The following ZNF536 variants were observed in gnomAD, a reference collection of about 807,000 sequenced individuals.
ZNF536 encodes the protein zinc finger protein 536.
Under a neutral mutation model 84.5 loss-of-function variants are expected in ZNF536, and 13 were observed. The ratio of observed to expected loss-of-function variants is 0.15; its 90% CI spans 0.10 to 0.24. ZNF536 has a LOEUF of 0.24. ZNF536 is among the 10% of genes least tolerant of loss of function. ZNF536 has a pLI of 1.00. For missense variants in ZNF536, 1,536 were observed against 1,747.5 expected, an observed-to-expected ratio of 0.88 and a Z score of 2.16; for synonymous variants, 811 against 742.5, an observed-to-expected ratio of 1.09 and a Z score of -1.50.
intron 1 of ZNF536, among the ~76,000 whole-genome samples, chr19:30,614,202 C>T (rs1232068977): frequency 3.3e-5 from 5 of 152,116 alleles, no homozygotes; most frequent in Non-Finnish European, 7.4e-5. Context: ...TATTTTTCCA[C>T]CTCTTCCATA....
chr19:30,381,092 G>T (rs1275955236), intron 1 of ZNF536, among the ~76,000 whole-genome samples: 1 of 152,068 alleles, frequency 6.6e-6, no homozygotes. Flanking sequence ...TGCCCAAGTT[G>T]GTCTTGAACT....
chr19:30,566,320 C>G (rs1275046255), intron 1 of ZNF536, among the ~76,000 whole-genome samples: 1 of 152,194 alleles, frequency 6.6e-6, no homozygotes, highest in Non-Finnish European at 1.5e-5. Flanking sequence ...GGAACAGCTC[C>G]CTTTATCCCA....
At chr19:30,560,841 T>C (rs2046137679), downstream of ZNF536, among the ~76,000 whole-genome samples, 1 of 152,246 alleles carries the variant, frequency 6.6e-6, no homozygotes, top group Non-Finnish European at 1.5e-5. Flanking sequence ...ATGATTAAAT[T>C]ACATCCCCAA....
intron 2 of ZNF536, among the ~76,000 whole-genome samples, chr19:30,490,160 C>CT (rs3837960): frequency 1.7e-4 from 25 of 150,052 alleles, no homozygotes; most frequent in South Asian, 2.1e-4. Context: ...CCATTGCTAA[C>CT]TTTTTTTTTT....
At chr19:30,624,825 G>A (rs2048615714) in intron 1 of ZNF536, among the ~76,000 whole-genome samples, 1 of 152,292 alleles carries the variant, frequency 6.6e-6, no homozygotes, top group South Asian at 2.1e-4. Flanking sequence ...ATTGGATCAT[G>A]GAGGCAGTTT....
In ZNF536 at chr19:30,445,615, C is replaced by G; in HGVS notation, c.2053C>G (p.Arg685Gly). The change falls in exon 2 of 5, where the codon CGC (arginine) becomes GGC (glycine). Residue 685 changes from arginine (R) to glycine (G), a missense_variant. This residue lies in a region of ZNF536 where 148 missense variants were observed against 205.4 expected (regional missense o/e 0.72). Coordinates refer to ENST00000355537, the MANE Select transcript of ZNF536 (RefSeq NM_014717.3). This position sits in a 1 kb window ranked among gnomAD's most constrained non-coding sequence, Gnocchi z 4.5. ...TGACCAGGAGTCCCAGTCGGTGAGCCGCTCCACCACGCCGGGCTCCTCTAA... is the reference window on the plus strand; with the variant it reads ...TGACCAGGAGTCCCAGTCGGTGAGCGGCTCCACCACGCCGGGCTCCTCTAA... ...GSDQESQSVS[R>G]STTPGSSNVT... 1.2e-6 allele frequency: 2 copies of G among 1,612,780 alleles called. No individual in the cohort carries two copies. The highest frequency in any genetic ancestry group is 8.5e-7 in the Non-Finnish European group (1 of 1,179,638).
intron 2 of ZNF536, among the ~76,000 whole-genome samples, chr19:30,479,581 G>T (rs966889487): frequency 6.6e-6 from 1 of 152,334 alleles, no homozygotes; most frequent in African/African-American, 2.4e-5. Context: ...GTGGGTCAGG[G>T]TGCTGTGAGG....
intron 2 of ZNF536, among the ~76,000 whole-genome samples, chr19:30,344,640 A>G (rs957978872): frequency 5.3e-5 from 8 of 151,262 alleles, no homozygotes; most frequent in Non-Finnish European, 1.5e-5. Flanking sequence ...TCACTGAGCG[A>G]GTCCCTCGCT....
chr19:30,657,549 C>G (rs1332099925), intron 1 of ZNF536, among the ~76,000 whole-genome samples: 2 of 152,220 alleles, frequency 1.3e-5, no homozygotes, highest in East Asian at 3.9e-4. Context: ...CTCTTCTGGC[C>G]CTCCTTGGGG....
intron 1 of ZNF536, among the ~76,000 whole-genome samples, chr19:30,649,719 A>G (rs2049625401): frequency 6.6e-6 from 1 of 152,148 alleles, no homozygotes; most frequent in African/African-American, 2.4e-5. Context: ...TTGAAGCCCG[A>G]GAGTCATCCT....
chr19:30,404,280 C>T (rs1399654333), intron 1 of ZNF536, among the ~76,000 whole-genome samples: 1 of 152,164 alleles, frequency 6.6e-6, no homozygotes, highest in African/African-American at 2.4e-5. Context: ...AATGTGGAGA[C>T]AGCCTTGGTG....
intron 2 of ZNF536, among the ~76,000 whole-genome samples, chr19:30,513,780 C>T (rs1044205264): frequency 6.6e-6 from 1 of 152,112 alleles, no homozygotes; most frequent in African/African-American, 2.4e-5. Context: ...GGAGGTGGAG[C>T]AAGGTCCTGG....
intron 2 of ZNF536, among the ~76,000 whole-genome samples, chr19:30,477,178 G>T (rs574594243): frequency 6.6e-6 from 1 of 152,046 alleles, no homozygotes. Context: ...CCCTTATTCT[G>T]TCTGTCCCGA....
intron 3 of ZNF536, among the ~76,000 whole-genome samples, chr19:30,354,237 G>A (rs1432682775): frequency 1.3e-5 from 2 of 151,986 alleles, no homozygotes; most frequent in African/African-American, 2.4e-5. Context: ...GGGAGGAGGA[G>A]AAGGGACATG....
At chr19:30,397,573 T>C (rs957393043) in intron 1 of ZNF536, among the ~76,000 whole-genome samples, 1 of 152,158 alleles carries the variant, frequency 6.6e-6, no homozygotes, top group African/African-American at 2.4e-5. Context: ...ACAAAAAGCT[T>C]AAAAAAACTC....
At chr19:30,529,984 G>A (rs1246071763) in intron 2 of ZNF536, among the ~76,000 whole-genome samples, 1 of 152,224 alleles carries the variant, frequency 6.6e-6, no homozygotes, top group Non-Finnish European at 1.5e-5. Context: ...TCCATCAAGT[G>A]GGAGCCCAGA....
At chr19:30,436,910 G>GT (rs2051774181) in intron 1 of ZNF536, among the ~76,000 whole-genome samples, 8 of 152,194 alleles carry the variant, frequency 5.3e-5, no homozygotes, top group Admixed American at 5.2e-4. Flanking sequence ...ACCCTGCAGA[G>GT]TAACTTGGAG....
At chr19:30,669,622 G>A (rs2050467047) in intron 1 of ZNF536, among the ~76,000 whole-genome samples, 1 of 152,214 alleles carries the variant, frequency 6.6e-6, no homozygotes, top group African/African-American at 2.4e-5. Flanking sequence ...GGCCGCAAGA[G>A]GGCGCCCGAT....
chr19:30,677,932 C>T (rs1031310243), intron 1 of ZNF536, among the ~76,000 whole-genome samples: 1 of 152,054 alleles, frequency 6.6e-6, no homozygotes, highest in Non-Finnish European at 1.5e-5. Flanking sequence ...GCACAGGTAG[C>T]CCCCAGCTAT....
Sources: gnomAD v4.1 joint callset for allele counts (sites outside exome capture counted in the v4.1 genomes callset) on GRCh38, gnomAD v4.1.1 for gene constraint, gnomAD v4.1.1 regional missense constraint, Gnocchi (gnomAD v3.1) non-coding constraint, MANE v1.5 for transcripts, NCBI Gene and HGNC (gene_info 2026-07-23, HGNC 2026-07-21) for gene names.